The following POTEC variants were observed in gnomAD, a reference collection of about 807,000 sequenced individuals.
POTEC encodes the protein ANKRD26-like family B member 2.
Under a neutral mutation model 62.0 loss-of-function variants are expected in POTEC, and 35 were observed. That is an observed-to-expected ratio of 0.56 (90% confidence interval 0.43 to 0.75). The LOEUF (loss-of-function observed/expected upper bound fraction) is 0.75, where lower values mean the gene tolerates loss of function less well. Ranked by LOEUF, POTEC falls within the 30% of genes least tolerant of loss-of-function variation. POTEC has a pLI of 0.00. For missense variants in POTEC, 472 were observed against 655.9 expected, an observed-to-expected ratio of 0.72 and a Z score of 3.06; for synonymous variants, 156 against 221.5, an observed-to-expected ratio of 0.70 and a Z score of 2.62.
chr18:14,522,548 T>C (rs1910338576), intron 8 of POTEC, 128 bp from the exon 9 acceptor site: 8 of 1,463,664 alleles, frequency 5.5e-6, no homozygotes, highest in Non-Finnish European at 7.3e-6. Flanking sequence ...ACACTTAAAT[T>C]TGATCATATA....
At chr18:14,513,267 C>A (rs965449422) in intron 10 of POTEC, among the ~76,000 whole-genome samples, 3 of 152,146 alleles carry the variant, frequency 2.0e-5, no homozygotes, top group African/African-American at 7.2e-5. Flanking sequence ...GTGAAAATAA[C>A]AAACTGACTT....
intron 6 of POTEC, among the ~76,000 whole-genome samples, chr18:14,529,863 G>A (rs914099075): frequency 7.2e-5 from 11 of 152,104 alleles, no homozygotes; most frequent in African/African-American, 1.7e-4. Flanking sequence ...GTGCTTTGGC[G>A]TTCTTTTGTG....
At chr18:14,513,423 G>A (rs938429690) in intron 10 of POTEC, among the ~76,000 whole-genome samples, 26 of 152,030 alleles carry the variant, frequency 1.7e-4, no homozygotes, top group Non-Finnish European at 3.4e-4. Flanking sequence ...CATTGTGAAG[G>A]TCACTACTCG....
Position 14,542,978 on chromosome 18 carries a change from G to C in POTEC, c.169C>G (p.Leu57Val). The change falls in exon 1 of 11, where the codon CTC becomes GTC. Residue 57 changes from leucine (L) to valine (V), a missense_variant. Physicochemically the swap from Leu to Val is conservative, Grantham distance 32. Around this residue, in one of 5 missense-constraint regions of POTEC, gnomAD observed 257 missense variants for 250.7 expected, o/e 1.03. Transcript: ENST00000358970. ...GDHDDSFMKM[L>V]RSKMGKCCHH... ...CAACACTTGCCCATCTTGCTCCTGA[G>C]CATCTTCATAAAGGAGTCGTCGTGG... The C allele has an allele frequency of 1.3e-6, 2 of 1,573,458 alleles. No homozygotes were observed. The highest frequency in any genetic ancestry group is 1.7e-6 in the Non-Finnish European group (2 of 1,156,976).
intron 7 of POTEC, among the ~76,000 whole-genome samples, chr18:14,524,194 CTAAAA>C (rs1741384690): frequency 6.6e-6 from 1 of 151,976 alleles, no homozygotes; most frequent in African/African-American, 2.4e-5. Context: ...TTTTCTGCAA[CTAAAA>C]TAAGGTAGAA....
intron 9 of POTEC, among the ~76,000 whole-genome samples, chr18:14,518,687 G>A (rs1242614553): frequency 1.4e-5 from 2 of 144,530 alleles, no homozygotes; most frequent in African/African-American, 2.6e-5. Context: ...TTCTTAGAAA[G>A]GGGGTTTTAA....
At chr18:14,537,397 A>G (rs1905778386) in intron 3 of POTEC, among the ~76,000 whole-genome samples, 1 of 151,928 alleles carries the variant, frequency 6.6e-6, no homozygotes, top group East Asian at 1.9e-4. Context: ...GTGTTTTTTT[A>G]GGAATTTGTC....
At chr18:14,515,090 G>A (rs1305862130) in intron 9 of POTEC, among the ~76,000 whole-genome samples, 1 of 152,024 alleles carries the variant, frequency 6.6e-6, no homozygotes, top group African/African-American at 2.4e-5. Flanking sequence ...CTATGTTCCT[G>A]GACTGAAAGC....
intron 9 of POTEC, among the ~76,000 whole-genome samples, chr18:14,515,116 A>C (rs1261346362): frequency 6.6e-5 from 10 of 152,104 alleles, no homozygotes; most frequent in Non-Finnish European, 5.9e-5. Context: ...TATTGTGAAA[A>C]TGCCATAGTG....
At chr18:14,526,534 C>G (rs576524486) in intron 6 of POTEC, among the ~76,000 whole-genome samples, 1 of 152,164 alleles carries the variant, frequency 6.6e-6, no homozygotes, top group South Asian at 2.1e-4. Flanking sequence ...AACACCTGCC[C>G]AAGCAGAGAC....
chr18:14,521,118 A>G (rs1910296564), intron 9 of POTEC, among the ~76,000 whole-genome samples: 1 of 152,164 alleles, frequency 6.6e-6, no homozygotes, highest in Admixed American at 6.5e-5. Context: ...TCAAATGTTT[A>G]TATTAAATAT....
In POTEC at chr18:14,515,679, C is replaced by A. The variant is rs1373088731; in HGVS notation, c.1410-1894G>T. 1.1e-4 allele frequency among the ~76,000 whole-genome samples: 12 copies of A among 110,490 alleles called. No individual in the cohort carries two copies. In the South Asian group the frequency reaches 3.6e-3, roughly 33 times the overall value. The allele number at this position is 110,490 out of a possible 152,430, so 72.5% of individuals were successfully genotyped here. ...AAATAAATAAATAAATAAATAAATA[C>A]CTAATTAAACTAAAAAGCTTCAGCA... On this transcript the variant is annotated intron_variant, in intron 9 of 10. Transcript: ENST00000358970.
intron 6 of POTEC, among the ~76,000 whole-genome samples, chr18:14,526,282 T>C (rs1466044156): frequency 6.6e-6 from 1 of 152,146 alleles, no homozygotes; most frequent in African/African-American, 2.4e-5. Context: ...AACTCCTTCC[T>C]TGAGGTAGCC....
chr18:14,511,572 C>T lies in POTEC; in HGVS notation c.*326G>A. 2 of 425,452 alleles carry T rather than the reference C, an allele frequency of 4.7e-6. No homozygotes were observed. The highest frequency in any genetic ancestry group is 8.3e-6 in the Non-Finnish European group (2 of 239,858). The allele number at this position is 425,452 out of a possible 1,614,324, so 26.4% of individuals were successfully genotyped here. A position where few individuals can be genotyped will look rare whatever the true frequency, so the allele number is the denominator to read the frequency against. Reference sequence around the variant, plus strand: ...GAATTCATTTTCTCCTGTAAATAAACCTGTTCATGTTTGTTCTCTGGAAAG... The same window carrying T: ...GAATTCATTTTCTCCTGTAAATAAATCTGTTCATGTTTGTTCTCTGGAAAG... On this transcript the variant is annotated 3_prime_UTR_variant, in exon 11 of 11. Transcript: ENST00000358970.
intron 9 of POTEC, among the ~76,000 whole-genome samples, chr18:14,519,892 G>A (rs56116702): frequency 0.066 from 9,962 of 152,054 alleles, 385 homozygotes; most frequent in Non-Finnish European, 0.078. Flanking sequence ...AAGTGAAGAC[G>A]CCGTTAGGGA....
intron 6 of POTEC, chr18:14,528,930 G>A (rs373436409): frequency 6.6e-6 from 3 of 454,272 alleles, no homozygotes; most frequent in South Asian, 3.1e-5. Flanking sequence ...AGCATCTTGC[G>A]TTTTGCACTT....
At position 14,542,477 on chromosome 18, in the gene POTEC, T is replaced by C. The variant is rs1419164512; in HGVS notation, c.521+149A>G. On this transcript the variant is annotated intron_variant, in intron 1 of 10. Coordinates refer to ENST00000358970, the MANE Select transcript of POTEC (RefSeq NM_001137671.2). ...TTGTGTTGCTGTTTATAAAGGGACC[T>C]GGGCCCTGACCTCTCTGAGGTTTCC... is the stretch of plus-strand genomic sequence containing the variant. 4.0e-6 allele frequency: 5 copies of C among 1,260,258 alleles called. No individual in the cohort carries two copies. In the African/African-American group the frequency reaches 6.0e-5, roughly 15 times the overall value. The allele number at this position is 1,260,258 out of a possible 1,614,324, so 78.1% of individuals were successfully genotyped here.
intron 9 of POTEC, among the ~76,000 whole-genome samples, chr18:14,517,444 C>T (rs1260501724): frequency 6.6e-6 from 1 of 152,178 alleles, no homozygotes; most frequent in African/African-American, 2.4e-5. Flanking sequence ...CAGTATTCCT[C>T]TTACTATAGG....
At chr18:14,534,112 C>T (rs1567914470) in intron 4 of POTEC, among the ~76,000 whole-genome samples, 1 of 124,662 alleles carries the variant, frequency 8.0e-6, no homozygotes, top group Non-Finnish European at 1.6e-5. Flanking sequence ...GTGTGATATT[C>T]CCCTTCCTGT....
Sources: gnomAD v4.1 joint callset for allele counts (sites outside exome capture counted in the v4.1 genomes callset) on GRCh38, gnomAD v4.1.1 for gene constraint, gnomAD v4.1.1 regional missense constraint, MANE v1.5 for transcripts, NCBI Gene and HGNC (gene_info 2026-07-23, HGNC 2026-07-21) for gene names.